Variants in HAPLN1 observed in about 807,000 individuals in gnomAD.
The protein encoded by HAPLN1 is Cartilage link protein.
Under a neutral mutation model 36.5 loss-of-function variants are expected in HAPLN1, and 13 were observed. The ratio of observed to expected loss-of-function variants is 0.36; its 90% CI spans 0.23 to 0.57. The LOEUF (loss-of-function observed/expected upper bound fraction) is 0.57. Among genes scored for constraint, HAPLN1 ranks in the 20% least tolerant of loss-of-function variants. The pLI, the probability that HAPLN1 is intolerant of heterozygous loss-of-function variation, is 0.83. For missense variants in HAPLN1, 407 were observed against 439.7 expected, an observed-to-expected ratio of 0.93 and a Z score of 0.66; for synonymous variants, 202 against 169.8, an observed-to-expected ratio of 1.19 and a Z score of -1.48.
At chr5:83,642,246 A>C (rs1361608416) in intron 4 of HAPLN1, among the ~76,000 whole-genome samples, 1 of 152,206 alleles carries the variant, frequency 6.6e-6, no homozygotes, top group East Asian at 1.9e-4. Context: ...AAAAATCAAA[A>C]GCCCTCAAGT....
At chr5:83,650,042 G>T (rs1307401972) in intron 3 of HAPLN1, among the ~76,000 whole-genome samples, 1 of 152,218 alleles carries the variant, frequency 6.6e-6, no homozygotes, top group African/African-American at 2.4e-5. Flanking sequence ...GCACAGGACA[G>T]GTCCTAGCTT....
intron 1 of HAPLN1, among the ~76,000 whole-genome samples, chr5:83,690,936 A>G (rs1198116851): frequency 6.6e-6 from 1 of 152,060 alleles, no homozygotes; most frequent in Non-Finnish European, 1.5e-5. Flanking sequence ...AACTATGAAA[A>G]TAAAACCACC....
chr5:83,684,499 C>T (rs1751075863), intron 1 of HAPLN1, among the ~76,000 whole-genome samples: 1 of 152,124 alleles, frequency 6.6e-6, no homozygotes, highest in Admixed American at 6.5e-5. Flanking sequence ...GGCACCTAAC[C>T]CAGCCTGGCT....
At chr5:83,643,676 T>C (rs1749770296) in intron 4 of HAPLN1, among the ~76,000 whole-genome samples, 1 of 152,194 alleles carries the variant, frequency 6.6e-6, no homozygotes, top group African/African-American at 2.4e-5. Context: ...GGTCTCAAAC[T>C]CCTGGGCCCA....
chr5:83,655,239 A>G (rs544249491), intron 2 of HAPLN1, among the ~76,000 whole-genome samples: 2 of 152,344 alleles, frequency 1.3e-5, no homozygotes, highest in African/African-American at 4.8e-5. Context: ...TTTATAAATT[A>G]AAGGGTTAAG....
At position 83,652,765 on chromosome 5, in the gene HAPLN1, C is replaced by T. The variant is rs1178719430; in HGVS notation, c.160G>A (p.Gly54Ser). 1.2e-6 allele frequency: 2 copies of T among 1,613,572 alleles called. No homozygotes were observed. The highest frequency in any genetic ancestry group is 1.7e-6 in the Non-Finnish European group (2 of 1,179,658). ...AEQAKVFSHR[G>S]GNVTLPCKFY... The stretch of plus-strand genomic sequence containing the variant: ...TTACATGGCAGTGTAACATTGCCAC[C>T]TCTGTGTGAAAACACCTTGGCTTGC... The change falls in exon 3 of 5, where the codon GGT becomes AGT. Residue 54 changes from glycine (G) to serine (S), a missense_variant. Coordinates refer to ENST00000274341, the MANE Select transcript of HAPLN1 (RefSeq NM_001884.4).
intron 1 of HAPLN1, among the ~76,000 whole-genome samples, chr5:83,695,884 A>T (rs1751380980): frequency 6.6e-6 from 1 of 151,968 alleles, no homozygotes; most frequent in Non-Finnish European, 1.5e-5. Context: ...TTACGTTTTT[A>T]CCATTTACTT....
At chr5:83,719,296 C>T (rs1751975969) in intron 1 of HAPLN1, among the ~76,000 whole-genome samples, 1 of 152,202 alleles carries the variant, frequency 6.6e-6, no homozygotes, top group African/African-American at 2.4e-5. Context: ...AGAATACTGG[C>T]CTCTGGGTAC....
At chr5:83,681,780 A>C in intron 1 of HAPLN1, among the ~76,000 whole-genome samples, 1 of 152,220 alleles carries the variant, frequency 6.6e-6, no homozygotes, top group East Asian at 1.9e-4. Context: ...ATGTACAAAC[A>C]AAATTAAGAA....
intron 1 of HAPLN1, among the ~76,000 whole-genome samples, chr5:83,683,915 A>G (rs1751060599): frequency 6.6e-6 from 1 of 152,146 alleles, no homozygotes; most frequent in Non-Finnish European, 1.5e-5. Flanking sequence ...CAATTGTTTA[A>G]AAAACAGGGC....
rs571183321 is a variant in HAPLN1, at chr5:83,711,278, T to C, written c.-27+9511A>G. Among the ~76,000 whole-genome samples the C allele has an allele frequency of 9.2e-5, 14 of 152,226 alleles. No individual in the cohort carries two copies. In the South Asian group the frequency reaches 2.3e-3, roughly 25 times the overall value. The stretch of plus-strand genomic sequence containing the variant: ...CAAGAAACAATGGACTTTTAAGAAA[T>C]ATGGTAGAACTGCCATAAAGCATGA... On this transcript the variant is annotated intron_variant, in intron 1 of 4. Coordinates refer to ENST00000274341, the MANE Select transcript of HAPLN1 (RefSeq NM_001884.4).
Position 83,693,680 on chromosome 5 carries a change from A to G in HAPLN1, c.-26-20131T>C, listed in dbSNP as rs187973046. On this transcript the variant is annotated intron_variant, in intron 1 of 4. Coordinates refer to ENST00000274341, the MANE Select transcript of HAPLN1 (RefSeq NM_001884.4). ...TAACCAAAAGGGAGATAGAGACACTATATTAAAATCAGACAAAATAGATTT... is the reference window on the plus strand; with the variant it reads ...TAACCAAAAGGGAGATAGAGACACTGTATTAAAATCAGACAAAATAGATTT... Among the ~76,000 whole-genome samples the G allele has an allele frequency of 3.4e-3, 515 of 152,092 alleles. 2 individuals are homozygous for G. The highest frequency in any genetic ancestry group is 5.0e-3 in the Non-Finnish European group (337 of 67,826).
intron 3 of HAPLN1, among the ~76,000 whole-genome samples, chr5:83,650,373 C>A (rs892534554): frequency 6.6e-6 from 1 of 152,196 alleles, no homozygotes; most frequent in African/African-American, 2.4e-5. Flanking sequence ...ATTTTACTGA[C>A]TTCTGCCTTA....
chr5:83,638,730 A>G lies in HAPLN1; in HGVS notation c.*2766T>C, dbSNP rs2112542489. 1 of 152,214 alleles carries G rather than the reference A, an allele frequency of 6.6e-6. No individual in the cohort carries two copies. Among genetic ancestry groups the G allele is most frequent in the East Asian group, 1.9e-4 (1 of 5,186 alleles). The allele number at this position is 152,214 out of a possible 1,614,324, so 9.4% of individuals were successfully genotyped here. A position where few individuals can be genotyped will look rare whatever the true frequency, so the allele number is the denominator to read the frequency against. Reference sequence around the variant, plus strand: ...TTTCCATGAGAGAAAGTTTAAATTTACAAACGCCATATTTGGCTAAAAATT... The same window carrying G: ...TTTCCATGAGAGAAAGTTTAAATTTGCAAACGCCATATTTGGCTAAAAATT... On this transcript the variant is annotated 3_prime_UTR_variant, in exon 5 of 5. Transcript: ENST00000274341.
chr5:83,695,170 G>T (rs1480908140), intron 1 of HAPLN1, among the ~76,000 whole-genome samples: 1 of 152,142 alleles, frequency 6.6e-6, no homozygotes, highest in Non-Finnish European at 1.5e-5. Context: ...TTGTCACCCA[G>T]GCTGGGGTGC....
At chr5:83,706,656 T>A (rs1751660734) in intron 1 of HAPLN1, among the ~76,000 whole-genome samples, 1 of 152,282 alleles carries the variant, frequency 6.6e-6, no homozygotes, top group East Asian at 1.9e-4. Context: ...AAGCATTCCC[T>A]TTGAAAACCA....
At chr5:83,680,288 C>A (rs1208698330) in intron 1 of HAPLN1, among the ~76,000 whole-genome samples, 1 of 148,226 alleles carries the variant, frequency 6.7e-6, no homozygotes, top group Non-Finnish European at 1.5e-5. Context: ...AAAGGCCTAT[C>A]TGAGCAAAAG....
At chr5:83,680,988 A>C (rs922837962) in intron 1 of HAPLN1, among the ~76,000 whole-genome samples, 1 of 152,198 alleles carries the variant, frequency 6.6e-6, no homozygotes, top group East Asian at 1.9e-4. Context: ...TTGGCTTTAT[A>C]AGAAATACTC....
chr5:83,688,693 G>A (rs1042863348), intron 1 of HAPLN1, among the ~76,000 whole-genome samples: 1 of 111,402 alleles, frequency 9.0e-6, no homozygotes, highest in Non-Finnish European at 1.7e-5. Context: ...ATGAGTATTT[G>A]AGGAAAGCTT....
Sources: allele counts gnomAD v4.1 joint callset (sites outside exome capture counted in the v4.1 genomes callset), GRCh38; gene constraint gnomAD v4.1.1; transcripts MANE v1.5; gene names NCBI Gene and HGNC (gene_info 2026-07-23, HGNC 2026-07-21).